The following VPS4B variants were observed in gnomAD, a reference collection of about 807,000 sequenced individuals.
VPS4B encodes the protein vacuolar protein sorting 4 homolog B.
In VPS4B, 23 loss-of-function variants were observed where a neutral mutation model predicts 56.1. That is an observed-to-expected ratio of 0.41 (90% confidence interval 0.30 to 0.58). The LOEUF is 0.58. VPS4B is among the 20% of genes least tolerant of loss of function. The pLI, the probability that VPS4B is intolerant of heterozygous loss-of-function variation, is 0.29. For missense variants in VPS4B, 372 were observed against 531.9 expected (o/e 0.70, Z 2.96); for synonymous variants, 177 against 186.0 (o/e 0.95, Z 0.39).
At chr18:63,398,712 G>A (rs1915740111) in intron 8 of VPS4B, among the ~76,000 whole-genome samples, 1 of 151,672 alleles carries the variant, frequency 6.6e-6, no homozygotes. Flanking sequence ...GTGCATACCT[G>A]TAGTCCCAGC....
At chr18:63,413,449 G>A (rs375055760) in intron 1 of VPS4B, among the ~76,000 whole-genome samples, 4 of 150,912 alleles carry the variant, frequency 2.7e-5, no homozygotes, top group South Asian at 2.1e-4. Flanking sequence ...TGAGGCAGGA[G>A]AATTGCTTGA....
Position 63,422,362 on chromosome 18 carries a change from C to A in VPS4B, c.-103G>T. ...GTAACAGCCCTCAAACTGGGGAGGCCGGTGGTTCTCGGACCGCGAAGGGCA... is the reference window on the plus strand; with the variant it reads ...GTAACAGCCCTCAAACTGGGGAGGCAGGTGGTTCTCGGACCGCGAAGGGCA... On this transcript the variant is annotated 5_prime_UTR_variant, in exon 1 of 11. Coordinates refer to ENST00000238497, the MANE Select transcript of VPS4B (RefSeq NM_004869.4). 8.7e-7 allele frequency: 1 copy of A among 1,153,228 alleles called. No individual in the cohort carries two copies. The highest frequency in any genetic ancestry group is 1.2e-6 in the Non-Finnish European group (1 of 867,412). The allele number at this position is 1,153,228 out of a possible 1,614,324, so 71.4% of individuals were successfully genotyped here.
intron 1 of VPS4B, among the ~76,000 whole-genome samples, chr18:63,418,710 T>G (rs1246276006): frequency 6.6e-6 from 1 of 152,124 alleles, no homozygotes; most frequent in Admixed American, 6.5e-5. Context: ...TGGTTTTACT[T>G]TTGATTCATA....
intron 5 of VPS4B, 110 bp downstream of exon 5, chr18:63,403,597 C>T: frequency 1.7e-6 from 2 of 1,194,112 alleles, no homozygotes; most frequent in Middle Eastern, 2.2e-4. Flanking sequence ...TTTTAACAGT[C>T]ACAATTTATT....
intron 9 of VPS4B, chr18:63,396,674 CA>C: frequency 4.5e-6 from 1 of 223,884 alleles, no homozygotes; most frequent in Admixed American, 5.3e-5. Flanking sequence ...TCTTTGAAGA[CA>C]AACCAATGAC....
intron 1 of VPS4B, among the ~76,000 whole-genome samples, chr18:63,419,810 A>C (rs1178619927): frequency 2.0e-5 from 3 of 152,242 alleles, no homozygotes; most frequent in Non-Finnish European, 4.4e-5. Context: ...GGGTTATTGA[A>C]ACTGTGGAAA....
At position 63,401,249 on chromosome 18, in the gene VPS4B, CTTTCT is replaced by C. The variant is rs146876729; in HGVS notation, c.485-551_485-547del. Among the ~76,000 whole-genome samples, 1,371 of 152,166 alleles carry C rather than the reference CTTTCT, an allele frequency of 9.0e-3. 22 individuals are homozygous for C. Among genetic ancestry groups the C allele is most frequent in the African/African-American group, 0.032 (1,309 of 41,542 alleles). ...ACAGGTTAGTGTTATAGGTAGCAGA[CTTTCT>C]TTTATTTTATTTTTTTTGAGACAGA... On this transcript the variant is annotated intron_variant, in intron 5 of 10. Coordinates refer to ENST00000238497, the MANE Select transcript of VPS4B (RefSeq NM_004869.4).
intron 4 of VPS4B, 133 bp downstream of exon 4, chr18:63,407,299 T>G (rs1285843177): frequency 1.3e-6 from 1 of 756,770 alleles, no homozygotes; most frequent in African/African-American, 1.8e-5. Flanking sequence ...AGCCAGCACA[T>G]GACTATTGGG....
At chr18:63,405,247 T>G (rs891650394) in intron 4 of VPS4B, among the ~76,000 whole-genome samples, 3 of 152,140 alleles carry the variant, frequency 2.0e-5, no homozygotes, top group Non-Finnish European at 4.4e-5. Flanking sequence ...ATTTATCCGG[T>G]CTTTGACTAT....
At chr18:63,396,130 C>T (rs1915662982) in intron 9 of VPS4B, among the ~76,000 whole-genome samples, 1 of 152,216 alleles carries the variant, frequency 6.6e-6, no homozygotes, top group South Asian at 2.1e-4. Context: ...CAAAAATATT[C>T]TAGATGTGTC....
At position 63,403,770 on chromosome 18, in the gene VPS4B, C is replaced by T; in HGVS notation, c.421G>A (p.Gly141Arg). 6.2e-7 allele frequency: 1 copy of T among 1,613,426 alleles called. No individual in the cohort carries two copies. Among genetic ancestry groups the T allele is most frequent in the Non-Finnish European group, 8.5e-7 (1 of 1,179,616 alleles). The change falls in exon 5 of 11, where the codon GGA becomes AGA. Residue 141 changes from glycine (G) to arginine (R), a missense_variant. Gly to Arg is a moderately radical substitution (Grantham distance 125). Coordinates refer to ENST00000238497, the MANE Select transcript of VPS4B (RefSeq NM_004869.4). ...GCCTCTTTCAGTGCTTCTTTGGCTC[C>T]TTCAAGTCCAGCAACGTCACTCCAT... Reference protein sequence around the residue: ...VKWSDVAGLEGAKEALKEAVI... With the variant: ...VKWSDVAGLERAKEALKEAVI...
chr18:63,399,493 G>T (rs938054330), intron 7 of VPS4B, among the ~76,000 whole-genome samples, 170 bp from the exon 8 acceptor site: 3 of 152,158 alleles, frequency 2.0e-5, no homozygotes, highest in Non-Finnish European at 4.4e-5. Flanking sequence ...ACGGCAATAT[G>T]ATCCAAATAC....
At chr18:63,399,380 T>C in intron 7 of VPS4B, 57 bp from the exon 8 acceptor site, 1 of 1,450,708 alleles carries the variant, frequency 6.9e-7, no homozygotes, top group Non-Finnish European at 9.7e-7. Context: ...TCTTTAAACT[T>C]CTTCCATATA....
At chr18:63,415,483 A>G in intron 1 of VPS4B, 1 of 305,660 alleles carries the variant, frequency 3.3e-6, no homozygotes, top group South Asian at 3.6e-5. Context: ...TGCTCCTGGC[A>G]TAAGCTTGGC....
Position 63,401,915 on chromosome 18 carries a change from C to A in VPS4B, c.485-1212G>T, listed in dbSNP as rs901252983. On this transcript the variant is annotated intron_variant, in intron 5 of 10. Transcript: ENST00000238497. ...GGCTGAGGCAGGAGAATTGCTTGAA[C>A]TCGGGAGGTGGAGGTTGCAGTGAAA... Among the ~76,000 whole-genome samples the A allele has an allele frequency of 5.3e-5, 8 of 152,252 alleles. No homozygotes were observed. In the East Asian group the frequency reaches 1.5e-3, roughly 29 times the overall value.
At chr18:63,397,301 T>A in intron 8 of VPS4B, 48 bp from the exon 9 acceptor site, 1 of 1,512,110 alleles carries the variant, frequency 6.6e-7, no homozygotes, top group South Asian at 1.3e-5. Context: ...AAAATTAGGA[T>A]ATTTCCAAGA....
intron 1 of VPS4B, among the ~76,000 whole-genome samples, chr18:63,414,877 A>G (rs1448676630): frequency 6.6e-6 from 1 of 152,216 alleles, no homozygotes; most frequent in African/African-American, 2.4e-5. Context: ...ATTAAGTTAA[A>G]TCTCTTATAC....
intron 5 of VPS4B, among the ~76,000 whole-genome samples, chr18:63,401,455 T>C (rs976028366): frequency 6.6e-6 from 1 of 152,136 alleles, no homozygotes; most frequent in Non-Finnish European, 1.5e-5. Flanking sequence ...GGTTTTACCA[T>C]GTTGGTCAGG....
intron 9 of VPS4B, among the ~76,000 whole-genome samples, chr18:63,394,322 A>G (rs1915621908): frequency 2.0e-5 from 3 of 152,238 alleles, no homozygotes; most frequent in African/African-American, 7.2e-5. Context: ...TCTAAGTGCA[A>G]AATTGTATGC....
Sources: allele counts gnomAD v4.1 joint callset (sites outside exome capture counted in the v4.1 genomes callset), GRCh38; gene constraint gnomAD v4.1.1; transcripts MANE v1.5; gene names NCBI Gene and HGNC (gene_info 2026-07-23, HGNC 2026-07-21).